Variants in TTC28 observed in about 807,000 individuals in gnomAD.
The protein encoded by TTC28 is tetratricopeptide repeat protein 28.
TTC28 carries 61 observed loss-of-function variants against 198.0 expected under a neutral mutation model. That is an observed-to-expected ratio of 0.31 (90% CI 0.25 to 0.38). The LOEUF (loss-of-function observed/expected upper bound fraction) is 0.38, where lower values mean the gene tolerates loss of function less well. Ranked by LOEUF, TTC28 falls within the 10% of genes least tolerant of loss-of-function variation. The probability of loss-of-function intolerance (pLI) is 1.00; values close to 1 mark genes in which losing one functional copy is unlikely to be tolerated. For synonymous variants in TTC28, 1,171 were observed against 1,297.8 expected (o/e 0.90, Z 2.10); for missense variants, 2,678 against 3,164.0 (o/e 0.85, Z 3.69).
chr22:28,583,178 T>C (rs2050256715), intron 2 of TTC28, among the ~76,000 whole-genome samples: 1 of 152,140 alleles, frequency 6.6e-6, no homozygotes, highest in South Asian at 2.1e-4. Context: ...CATTTCAGTA[T>C]TTTTCTCATT....
At chr22:28,655,281 T>C (rs183983491) in intron 1 of TTC28, among the ~76,000 whole-genome samples, 10 of 152,322 alleles carry the variant, frequency 6.6e-5, no homozygotes, top group East Asian at 5.8e-4. Context: ...TCAACATATC[T>C]TAGAATCCTA....
At chr22:28,587,775 T>A (rs991801801) in intron 2 of TTC28, among the ~76,000 whole-genome samples, 1 of 152,048 alleles carries the variant, frequency 6.6e-6, no homozygotes, top group African/African-American at 2.4e-5. Flanking sequence ...ACATTCAAAG[T>A]CAAATAGCTT....
At chr22:28,495,499 A>T (rs1177085517) in intron 2 of TTC28, among the ~76,000 whole-genome samples, 1 of 152,216 alleles carries the variant, frequency 6.6e-6, no homozygotes, top group Non-Finnish European at 1.5e-5. Context: ...TTAGAGTAAA[A>T]TAAAGACATT....
chr22:28,494,837 G>A (rs1410704969), intron 2 of TTC28, among the ~76,000 whole-genome samples: 2 of 151,540 alleles, frequency 1.3e-5, no homozygotes. Context: ...GGAACAAACT[G>A]ACTCAAGAAG....
chr22:28,107,547 C>T lies in TTC28; in HGVS notation c.2298G>A (p.Met766Ile). The change falls in exon 7 of 23, where the codon ATG (methionine) becomes ATA (isoleucine). Residue 766 changes from methionine to isoleucine, a missense_variant. Physicochemically the swap from Met to Ile is conservative, Grantham distance 10 (BLOSUM62 1). Transcript: ENST00000397906. ...AYAALGTAYRMIQKYDKALGY... is the reference protein window; with the variant it reads ...AYAALGTAYRIIQKYDKALGY... The stretch of plus-strand genomic sequence containing the variant: ...CCAGGGCCTTGTCATACTTCTGGAT[C>T]ATTCGGTATGCAGTGCCCAGGGCTG... The T allele has an allele frequency of 6.4e-7, 1 of 1,551,828 alleles. No individual in the cohort carries two copies. Among genetic ancestry groups the T allele is most frequent in the South Asian group, 1.2e-5 (1 of 84,062 alleles).
At chr22:28,023,311 G>A (rs1238588135) in intron 13 of TTC28, among the ~76,000 whole-genome samples, 2 of 152,250 alleles carry the variant, frequency 1.3e-5, no homozygotes, top group African/African-American at 4.8e-5. Context: ...TAACAAGTAT[G>A]AGGCTCTAGG....
intron 2 of TTC28, among the ~76,000 whole-genome samples, chr22:28,367,494 CAAAT>C (rs1804495907): frequency 6.6e-6 from 1 of 151,652 alleles, no homozygotes; most frequent in Admixed American, 6.6e-5. Flanking sequence ...AGAAAAACCT[CAAAT>C]AAATAACCTA....
intron 2 of TTC28, among the ~76,000 whole-genome samples, chr22:28,480,491 A>G (rs2048230905): frequency 6.6e-6 from 1 of 152,200 alleles, no homozygotes; most frequent in Admixed American, 6.5e-5. Context: ...CTGTTTTTAA[A>G]AAAAGCCTTT....
At chr22:28,287,486 T>C (rs1348136293) in intron 5 of TTC28, among the ~76,000 whole-genome samples, 2 of 152,096 alleles carry the variant, frequency 1.3e-5, no homozygotes, top group East Asian at 1.9e-4. Context: ...AAGATGAGAA[T>C]TGAGAAAGAG....
At chr22:28,026,344 G>A (rs1263868099) in intron 13 of TTC28, among the ~76,000 whole-genome samples, 5 of 152,100 alleles carry the variant, frequency 3.3e-5, no homozygotes, top group Non-Finnish European at 7.4e-5. Context: ...TCCTGGGTGG[G>A]GAACCAGTAA....
intron 2 of TTC28, among the ~76,000 whole-genome samples, chr22:28,434,782 G>A (rs186777827): frequency 6.0e-4 from 92 of 152,200 alleles, no homozygotes; most frequent in Non-Finnish European, 4.6e-4. Context: ...TTGAGTTTTT[G>A]GAAGAGTGTG....
chr22:28,552,258 C>T (rs1462054299), intron 2 of TTC28, among the ~76,000 whole-genome samples: 1 of 152,142 alleles, frequency 6.6e-6, no homozygotes, highest in African/African-American at 2.4e-5. Flanking sequence ...AAACACAACC[C>T]ATGCTCATGG....
At chr22:28,022,538 C>T (rs930239653) in intron 13 of TTC28, among the ~76,000 whole-genome samples, 36 of 152,224 alleles carry the variant, frequency 2.4e-4, no homozygotes, top group Admixed American at 2.4e-3. Flanking sequence ...GCCCCTCAAC[C>T]CCTCTGGGCT....
chr22:27,988,085 A>G (rs1428181034), intron 21 of TTC28, among the ~76,000 whole-genome samples: 3 of 152,202 alleles, frequency 2.0e-5, no homozygotes, highest in African/African-American at 7.2e-5. Context: ...AAACCAAGTA[A>G]TGCAACCTGT....
At chr22:28,630,500 G>C (rs555157087) in intron 1 of TTC28, among the ~76,000 whole-genome samples, 38 of 152,184 alleles carry the variant, frequency 2.5e-4, no homozygotes, top group Non-Finnish European at 4.3e-4. Context: ...TGTTTTTGTA[G>C]AGACAGGATT....
chr22:28,235,969 A>G (rs1188428611), intron 5 of TTC28, among the ~76,000 whole-genome samples: 1 of 152,228 alleles, frequency 6.6e-6, no homozygotes, highest in African/African-American at 2.4e-5. Flanking sequence ...ACTGCTTTCT[A>G]AGAGTCTTCA....
At chr22:28,438,029 A>G (rs993465901) in intron 2 of TTC28, among the ~76,000 whole-genome samples, 5 of 152,198 alleles carry the variant, frequency 3.3e-5, no homozygotes, top group African/African-American at 9.7e-5. Context: ...TCTTGGTTGC[A>G]CTGATCTGGG....
At chr22:28,040,883 C>G (rs1939602236) in intron 12 of TTC28, among the ~76,000 whole-genome samples, 1 of 152,190 alleles carries the variant, frequency 6.6e-6, no homozygotes, top group African/African-American at 2.4e-5. Flanking sequence ...GCAACTTCAG[C>G]AAAGTCTTAG....
intron 5 of TTC28, among the ~76,000 whole-genome samples, chr22:28,238,050 A>G (rs1929377277): frequency 6.6e-6 from 1 of 151,862 alleles, no homozygotes; most frequent in Non-Finnish European, 1.5e-5. Flanking sequence ...ATTTATTTTC[A>G]GTAGTTTGAT....
Sources: allele counts gnomAD v4.1 joint callset (sites outside exome capture counted in the v4.1 genomes callset), GRCh38; gene constraint gnomAD v4.1.1; transcripts MANE v1.5; gene names NCBI Gene and HGNC (gene_info 2026-07-23, HGNC 2026-07-21).